The following NCKAP5 variants were observed in gnomAD, a reference collection of about 807,000 sequenced individuals.
The protein encoded by NCKAP5 is NCK associated protein 5.
Under a neutral mutation model 167.0 loss-of-function variants are expected in NCKAP5, and 92 were observed. The ratio of observed to expected loss-of-function variants is 0.55; its 90% CI spans 0.47 to 0.66. The LOEUF (loss-of-function observed/expected upper bound fraction) is 0.66, where lower values mean the gene tolerates loss of function less well. Among genes scored for constraint, NCKAP5 ranks in the 30% least tolerant of loss-of-function variants. The pLI, the probability that NCKAP5 is intolerant of heterozygous loss-of-function variation, is 0.00. For missense variants in NCKAP5, 2,378 were observed against 2,315.0 expected (o/e 1.03, Z -0.56); for synonymous variants, 891 against 877.4 (o/e 1.02, Z -0.27).
At chr2:133,278,057 T>C (rs1196388345) in intron 4 of NCKAP5, among the ~76,000 whole-genome samples, 3 of 152,148 alleles carry the variant, frequency 2.0e-5, no homozygotes, top group East Asian at 1.9e-4. Flanking sequence ...ACAGGTGAAT[T>C]CCTTTATCAG....
chr2:133,367,956 A>G (rs1228286977), intron 3 of NCKAP5, among the ~76,000 whole-genome samples: 2 of 152,078 alleles, frequency 1.3e-5, no homozygotes, highest in Non-Finnish European at 2.9e-5. Flanking sequence ...GGAGTTCATG[A>G]GGAGCTGCAG....
intron 4 of NCKAP5, among the ~76,000 whole-genome samples, chr2:133,253,008 C>T (rs1019078543): frequency 6.6e-6 from 1 of 152,178 alleles, no homozygotes; most frequent in East Asian, 1.9e-4. Context: ...ATTCACTTCG[C>T]CAGCCTTCTT....
At chr2:133,031,393 A>T (rs1024110592) in intron 6 of NCKAP5, among the ~76,000 whole-genome samples, 1 of 152,184 alleles carries the variant, frequency 6.6e-6, no homozygotes, top group African/African-American at 2.4e-5. Context: ...CCACTCTGAG[A>T]GGGAGCATTT....
the NCKAP5 span, among the ~76,000 whole-genome samples, chr2:133,661,022 T>G: frequency 6.6e-6 from 1 of 151,770 alleles, no homozygotes; most frequent in African/African-American, 2.4e-5. Flanking sequence ...TTAAAAGATG[T>G]CTTTCCTGAG....
At chr2:133,473,695 C>G (rs1056178431) in intron 3 of NCKAP5, among the ~76,000 whole-genome samples, 1 of 152,210 alleles carries the variant, frequency 6.6e-6, no homozygotes, top group South Asian at 2.1e-4. Context: ...TTCAGCTATT[C>G]TAAAATTACC....
In NCKAP5 at chr2:133,200,967, T is replaced by G. The variant is rs186411526; in HGVS notation, c.207+12749A>C. 3.1e-4 allele frequency among the ~76,000 whole-genome samples: 47 copies of G among 152,278 alleles called. No homozygotes were observed. The East Asian group carries it at 5.2e-3, about 17-fold the overall frequency. On this transcript the variant is annotated intron_variant, in intron 5 of 19. Transcript: ENST00000409261. ...GTAGTACCAAACCCTACATATACTATTTTTTTCTTATAATACACATGTACT... is the reference window on the plus strand; with the variant it reads ...GTAGTACCAAACCCTACATATACTAGTTTTTTCTTATAATACACATGTACT...
chr2:133,553,727 G>T (rs890470834), intron 2 of NCKAP5, among the ~76,000 whole-genome samples: 2 of 152,040 alleles, frequency 1.3e-5, no homozygotes, highest in Non-Finnish European at 1.5e-5. Context: ...TGCTCAACCC[G>T]CTCAATTTTG....
intron 8 of NCKAP5, among the ~76,000 whole-genome samples, chr2:132,917,545 T>C (rs1694982970): frequency 6.6e-6 from 1 of 152,106 alleles, no homozygotes; most frequent in Non-Finnish European, 1.5e-5. Context: ...AAATTTATAA[T>C]AGTTGATTAT....
intron 2 of NCKAP5, among the ~76,000 whole-genome samples, chr2:133,531,276 T>A (rs1685343758): frequency 6.6e-6 from 1 of 152,182 alleles, no homozygotes; most frequent in African/African-American, 2.4e-5. Context: ...CATTAATAAA[T>A]TACTTCAATC....
intron 2 of NCKAP5, among the ~76,000 whole-genome samples, chr2:133,543,585 TCAG>T (rs1158187799): frequency 2.0e-5 from 3 of 152,186 alleles, no homozygotes; most frequent in Non-Finnish European, 4.4e-5. Flanking sequence ...GAAATTTTCA[TCAG>T]CACCAAAACC....
At chr2:133,246,501 G>A (rs1250429693) in intron 4 of NCKAP5, among the ~76,000 whole-genome samples, 2 of 152,270 alleles carry the variant, frequency 1.3e-5, no homozygotes, top group East Asian at 1.9e-4. Context: ...AAGAATGTAC[G>A]TATTCCAGCT....
chr2:133,160,368 T>C (rs1010291256), intron 5 of NCKAP5, among the ~76,000 whole-genome samples: 5 of 151,790 alleles, frequency 3.3e-5, no homozygotes, highest in Non-Finnish European at 7.4e-5. Context: ...TCTTAATAAA[T>C]TACATCTCCA....
intron 11 of NCKAP5, among the ~76,000 whole-genome samples, chr2:132,816,125 T>C (rs1686249574): frequency 6.6e-6 from 1 of 152,102 alleles, no homozygotes; most frequent in African/African-American, 2.4e-5. Flanking sequence ...TACCGGAAAT[T>C]TCAAATTCAA....
chr2:133,091,892 A>AAAAT (rs2081197469), intron 6 of NCKAP5, among the ~76,000 whole-genome samples: 1 of 152,194 alleles, frequency 6.6e-6, no homozygotes, highest in Non-Finnish European at 1.5e-5. Context: ...ACCTCAAAGA[A>AAAAT]AAATAAATAA....
intron 3 of NCKAP5, among the ~76,000 whole-genome samples, chr2:133,437,758 T>C (rs1374431465): frequency 3.3e-5 from 5 of 152,174 alleles, no homozygotes; most frequent in African/African-American, 1.2e-4. Flanking sequence ...TTGACTTCAG[T>C]TAAGTTATTT....
At chr2:133,563,926 G>T (rs1230553573) in intron 1 of NCKAP5, among the ~76,000 whole-genome samples, 1 of 152,248 alleles carries the variant, frequency 6.6e-6, no homozygotes, top group Non-Finnish European at 1.5e-5. Context: ...TTGAGGTCAG[G>T]AGTTTGAGAC....
chr2:132,805,715 C>T (rs564188411), intron 11 of NCKAP5, among the ~76,000 whole-genome samples: 1 of 150,070 alleles, frequency 6.7e-6, no homozygotes, highest in Non-Finnish European at 1.5e-5. Context: ...AGGTCTTGTG[C>T]TAAGTGTTTA....
At chr2:133,640,145 G>T in the NCKAP5 span, among the ~76,000 whole-genome samples, 4 of 152,316 alleles carry the variant, frequency 2.6e-5, no homozygotes, top group South Asian at 8.3e-4. Context: ...ATTTGAAGAA[G>T]TGAGATGTGA....
At chr2:133,624,523 G>A in the NCKAP5 span, among the ~76,000 whole-genome samples, 307 of 152,200 alleles carry the variant, frequency 2.0e-3, 2 homozygotes, top group African/African-American at 6.9e-3. Flanking sequence ...CTCCCTTGGT[G>A]TTCTTCGTTC....
Sources: allele counts gnomAD v4.1 joint callset (sites outside exome capture counted in the v4.1 genomes callset), GRCh38; gene constraint gnomAD v4.1.1; transcripts MANE v1.5; gene names NCBI Gene and HGNC (gene_info 2026-07-23, HGNC 2026-07-21).